The following SORCS1 variants were observed in gnomAD, a reference collection of about 807,000 sequenced individuals.
SORCS1 encodes the protein VPS10 domain-containing receptor SorCS1.
SORCS1 carries 60 observed loss-of-function variants against 146.1 expected under a neutral mutation model. The ratio of observed to expected loss-of-function variants is 0.41; its 90% CI spans 0.33 to 0.51. The LOEUF (loss-of-function observed/expected upper bound fraction) is 0.51. SORCS1 is among the 20% of genes least tolerant of loss of function. The pLI is 0.21. For synonymous variants in SORCS1, 637 were observed against 584.0 expected, an observed-to-expected ratio of 1.09 and a Z score of -1.31; for missense variants, 1,352 against 1,487.6, an observed-to-expected ratio of 0.91 and a Z score of 1.50.
chr10:106,696,298 A>T (rs976945224), intron 9 of SORCS1, among the ~76,000 whole-genome samples: 25 of 151,928 alleles, frequency 1.6e-4, no homozygotes, highest in African/African-American at 5.8e-4. Flanking sequence ...TTATCTCTAA[A>T]CTCTCATCAT....
chr10:107,125,869 A>T (rs558841650), intron 1 of SORCS1, among the ~76,000 whole-genome samples: 1 of 152,302 alleles, frequency 6.6e-6, no homozygotes, highest in Non-Finnish European at 1.5e-5. Flanking sequence ...CCACGATTGT[A>T]TTAAACCATC....
At chr10:106,965,533 G>A (rs898429042) in intron 1 of SORCS1, among the ~76,000 whole-genome samples, 39 of 152,232 alleles carry the variant, frequency 2.6e-4, no homozygotes, top group African/African-American at 8.2e-4. Context: ...AACTTGTAGC[G>A]TCTATTTGAT....
intron 1 of SORCS1, among the ~76,000 whole-genome samples, chr10:107,085,156 A>G (rs1005490443): frequency 2.0e-5 from 3 of 152,222 alleles, no homozygotes; most frequent in African/African-American, 7.2e-5. Flanking sequence ...AAAGACAGAG[A>G]TAGACACAGA....
At chr10:106,928,455 C>CG (rs1156822696) in intron 2 of SORCS1, among the ~76,000 whole-genome samples, 1 of 152,204 alleles carries the variant, frequency 6.6e-6, no homozygotes, top group African/African-American at 2.4e-5. Context: ...AGCACAGCCC[C>CG]GGTTTCCGCT....
intron 2 of SORCS1, among the ~76,000 whole-genome samples, chr10:106,937,692 G>A (rs369110947): frequency 5.3e-4 from 80 of 152,190 alleles, no homozygotes; most frequent in African/African-American, 1.6e-3. Flanking sequence ...GGCTGGGCAC[G>A]GTGGCTCATG....
intron 2 of SORCS1, among the ~76,000 whole-genome samples, chr10:106,922,407 A>G (rs1215629388): frequency 6.6e-6 from 1 of 152,196 alleles, no homozygotes; most frequent in African/African-American, 2.4e-5. Context: ...GGCTTCCAAC[A>G]ATAAACAAAC....
chr10:106,982,133 G>A (rs575186915), intron 1 of SORCS1, among the ~76,000 whole-genome samples: 1 of 152,136 alleles, frequency 6.6e-6, no homozygotes, highest in Non-Finnish European at 1.5e-5. Flanking sequence ...CGTAGTCTTC[G>A]ATTAGATTGT....
At chr10:107,095,717 C>T (rs1175569846) in intron 1 of SORCS1, among the ~76,000 whole-genome samples, 1 of 151,872 alleles carries the variant, frequency 6.6e-6, no homozygotes, top group Non-Finnish European at 1.5e-5. Context: ...TTTATCAGTG[C>T]TGAATTTTAC....
At chr10:107,018,807 G>T (rs1439398371) in intron 1 of SORCS1, among the ~76,000 whole-genome samples, 2 of 152,052 alleles carry the variant, frequency 1.3e-5, no homozygotes, top group Non-Finnish European at 2.9e-5. Flanking sequence ...ATAACTTTTT[G>T]AACAGTGACT....
chr10:106,780,432 TA>T (rs1216570540), intron 3 of SORCS1, among the ~76,000 whole-genome samples: 2 of 152,184 alleles, frequency 1.3e-5, no homozygotes, highest in Admixed American at 6.5e-5. Context: ...CATGCCTTTG[TA>T]AAAGGCATGA....
At chr10:107,088,797 C>T (rs970394050) in intron 1 of SORCS1, among the ~76,000 whole-genome samples, 1 of 152,200 alleles carries the variant, frequency 6.6e-6, no homozygotes, top group African/African-American at 2.4e-5. Context: ...TCATGAACAA[C>T]TTCTATTGTA....
At chr10:106,615,177 G>T (rs887015704) in intron 21 of SORCS1, among the ~76,000 whole-genome samples, 1 of 152,090 alleles carries the variant, frequency 6.6e-6, no homozygotes, top group African/African-American at 2.4e-5. Context: ...TTCCTTCTCT[G>T]TCCCTTGAGA....
At chr10:107,142,151 A>G (rs1247959475) in intron 1 of SORCS1, among the ~76,000 whole-genome samples, 1 of 152,130 alleles carries the variant, frequency 6.6e-6, no homozygotes, top group Non-Finnish European at 1.5e-5. Flanking sequence ...GCTACTTCCC[A>G]GGGGCCATTC....
At chr10:106,692,732 A>C (rs1853392866) in intron 9 of SORCS1, among the ~76,000 whole-genome samples, 1 of 152,220 alleles carries the variant, frequency 6.6e-6, no homozygotes, top group African/African-American at 2.4e-5. Flanking sequence ...AAAATGCTCC[A>C]AAACTTGGAA....
intron 18 of SORCS1, among the ~76,000 whole-genome samples, chr10:106,640,990 C>T (rs994070162): frequency 4.6e-5 from 7 of 151,920 alleles, no homozygotes; most frequent in Admixed American, 3.3e-4. Context: ...CTTGTGTGCG[C>T]GTGCATGTGT....
At chr10:106,985,273 C>T (rs979633797) in intron 1 of SORCS1, among the ~76,000 whole-genome samples, 10 of 152,264 alleles carry the variant, frequency 6.6e-5, no homozygotes, top group African/African-American at 2.4e-4. Context: ...CATGCATATC[C>T]TCCAATGACT....
intron 2 of SORCS1, among the ~76,000 whole-genome samples, chr10:106,933,285 C>T (rs1051470936): frequency 1.3e-5 from 2 of 152,142 alleles, no homozygotes; most frequent in African/African-American, 2.4e-5. Context: ...GTAGCTTTTA[C>T]ACTACCTGTG....
At chr10:106,613,580 C>T (rs1283735815) in intron 21 of SORCS1, among the ~76,000 whole-genome samples, 1 of 152,144 alleles carries the variant, frequency 6.6e-6, no homozygotes, top group East Asian at 1.9e-4. Context: ...GCACTGGTGG[C>T]CTTGGTCAGT....
intron 19 of SORCS1, among the ~76,000 whole-genome samples, chr10:106,621,835 C>T (rs557604911): frequency 3.3e-4 from 50 of 152,260 alleles, no homozygotes; most frequent in Non-Finnish European, 6.5e-4. Context: ...CCTAATCTGG[C>T]GCCCTGGTTC....
Sources: allele counts gnomAD v4.1 joint callset (sites outside exome capture counted in the v4.1 genomes callset), GRCh38; gene constraint gnomAD v4.1.1; transcripts MANE v1.5; gene names NCBI Gene and HGNC (gene_info 2026-07-23, HGNC 2026-07-21).